Variants in NPAS3 observed in about 807,000 individuals in gnomAD.
NPAS3 encodes the protein neuronal PAS domain-containing protein 3.
A neutral mutation model predicts 73.1 loss-of-function variants in NPAS3; 14 were observed. The ratio of observed to expected loss-of-function variants is 0.19; its 90% confidence interval spans 0.13 to 0.30. The LOEUF (loss-of-function observed/expected upper bound fraction) is 0.30. Ranked by LOEUF, NPAS3 falls within the 10% of genes least tolerant of loss-of-function variation. The pLI is 1.00. For missense variants in NPAS3, 1,096 were observed against 1,250.0 expected, an observed-to-expected ratio of 0.88 and a Z score of 1.86; for synonymous variants, 620 against 541.5, an observed-to-expected ratio of 1.14 and a Z score of -2.01.
intron 1 of NPAS3, among the ~76,000 whole-genome samples, chr14:33,040,767 G>C (rs188600578): frequency 5.7e-4 from 87 of 152,284 alleles, no homozygotes; most frequent in Non-Finnish European, 6.6e-4. Flanking sequence ...TTTCTTACAT[G>C]CAAAATGTGG....
Position 33,001,437 on chromosome 14 carries a change from A to T in NPAS3, c.51-54468A>T, listed in dbSNP as rs948429187. On this transcript the variant is annotated intron_variant, in intron 1 of 11. Transcript: ENST00000356141. ...GCCTTCACTTTTTTGCTAGTATCTT[A>T]TGAATCTAGAGCACGTCCTTCTTTT... 2.0e-5 allele frequency among the ~76,000 whole-genome samples: 3 copies of T among 152,268 alleles called. No homozygotes were observed. The East Asian group carries it at 5.8e-4, about 29-fold the overall frequency.
exon 9 of NPAS3, chr14:33,778,529 C>T (rs759238078): frequency 3.7e-6 from 6 of 1,613,986 alleles, no homozygotes; most frequent in South Asian, 3.3e-5. Flanking sequence ...ACCACTTCAT[C>T]CATGCTGAAG....
At chr14:33,287,541 T>A (rs1468215080) in intron 3 of NPAS3, among the ~76,000 whole-genome samples, 1 of 152,178 alleles carries the variant, frequency 6.6e-6, no homozygotes, top group African/African-American at 2.4e-5. Flanking sequence ...CCTTGTTTAC[T>A]TACCTCATTT....
intron 4 of NPAS3, among the ~76,000 whole-genome samples, chr14:33,416,101 G>T (rs1181104506): frequency 6.6e-6 from 1 of 151,970 alleles, no homozygotes. Context: ...ATCAAGCTTT[G>T]TACACATCAA....
chr14:33,475,346 A>G (rs2050973434), intron 4 of NPAS3, among the ~76,000 whole-genome samples: 1 of 152,180 alleles, frequency 6.6e-6, no homozygotes, highest in African/African-American at 2.4e-5. Flanking sequence ...GCAGTTAATA[A>G]TGCACATTAA....
intron 3 of NPAS3, among the ~76,000 whole-genome samples, chr14:33,319,980 G>T (rs1165994398): frequency 6.6e-6 from 1 of 152,142 alleles, no homozygotes; most frequent in East Asian, 1.9e-4. Flanking sequence ...TTCCTTATGG[G>T]AAGTATAACT....
intron 2 of NPAS3, among the ~76,000 whole-genome samples, chr14:33,108,944 A>G (rs1186294815): frequency 6.6e-6 from 1 of 152,202 alleles, no homozygotes; most frequent in African/African-American, 2.4e-5. Flanking sequence ...GCATCTAACA[A>G]AGATCAAGTT....
At chr14:33,768,768 G>A (rs772735845) in intron 7 of NPAS3, among the ~76,000 whole-genome samples, 1 of 152,122 alleles carries the variant, frequency 6.6e-6, no homozygotes, top group Non-Finnish European at 1.5e-5. Flanking sequence ...CCAATACAAT[G>A]TTATTTTTAC....
chr14:33,786,776 C>T (rs2063186881), intron 9 of NPAS3, among the ~76,000 whole-genome samples: 1 of 152,182 alleles, frequency 6.6e-6, no homozygotes, highest in African/African-American at 2.4e-5. Context: ...GAGACTTCCA[C>T]TTGAGTTTCA....
chr14:33,663,905 T>C (rs143939657), intron 5 of NPAS3, among the ~76,000 whole-genome samples: 3,051 of 152,206 alleles, frequency 0.02, 98 homozygotes, highest in African/African-American at 0.07. Context: ...CCATTTTTTA[T>C]TGTGTCTATT....
chr14:33,554,373 G>A (rs2055258993), intron 4 of NPAS3, among the ~76,000 whole-genome samples: 2 of 152,184 alleles, frequency 1.3e-5, no homozygotes, highest in Non-Finnish European at 2.9e-5. Flanking sequence ...TCACGTATGG[G>A]CATTTTCTCT....
At chr14:33,481,259 CTT>C (rs10540449) in intron 4 of NPAS3, among the ~76,000 whole-genome samples, 3,907 of 152,280 alleles carry the variant, frequency 0.026, 79 homozygotes, top group Middle Eastern at 0.068. Context: ...TTCTTAGTAA[CTT>C]GTCTCTGTTC....
At chr14:33,563,176 T>C (rs2055737371) in intron 5 of NPAS3, among the ~76,000 whole-genome samples, 1 of 152,144 alleles carries the variant, frequency 6.6e-6, no homozygotes, top group Non-Finnish European at 1.5e-5. Flanking sequence ...TCTCAAGATA[T>C]CCCTTCCTCA....
intron 5 of NPAS3, among the ~76,000 whole-genome samples, chr14:33,570,920 A>C (rs1221260485): frequency 6.6e-6 from 1 of 152,152 alleles, no homozygotes; most frequent in Non-Finnish European, 1.5e-5. Context: ...ACTAATTTTG[A>C]GCTGTTTGGG....
At chr14:33,005,951 C>A (rs1376659303) in intron 1 of NPAS3, among the ~76,000 whole-genome samples, 1 of 152,186 alleles carries the variant, frequency 6.6e-6, no homozygotes, top group Non-Finnish European at 1.5e-5. Flanking sequence ...TAACCCTCAA[C>A]AGCCAAACTT....
At chr14:33,680,578 G>T in intron 6 of NPAS3, 1 of 702,328 alleles carries the variant, frequency 1.4e-6, no homozygotes, top group East Asian at 2.7e-5. Context: ...GTTTCTCTAA[G>T]ATAAAATTCC....
At chr14:33,153,690 T>G (rs1285473057) in intron 2 of NPAS3, among the ~76,000 whole-genome samples, 1 of 152,104 alleles carries the variant, frequency 6.6e-6, no homozygotes, top group Non-Finnish European at 1.5e-5. Context: ...TCAAAGAGCT[T>G]TCATACAATC....
chr14:33,435,263 A>G (rs1030871504), intron 4 of NPAS3, among the ~76,000 whole-genome samples: 1 of 152,172 alleles, frequency 6.6e-6, no homozygotes, highest in Non-Finnish European at 1.5e-5. Flanking sequence ...GTCAAATAAG[A>G]TTGGCTAAAA....
At position 33,157,672 on chromosome 14, in the gene NPAS3, T is replaced by C. The variant is rs2044697192; in HGVS notation, c.141-57510T>C. Among the ~76,000 whole-genome samples, 4 of 152,230 alleles carry C rather than the reference T, an allele frequency of 2.6e-5. No individual in the cohort carries two copies. In the South Asian group the frequency reaches 8.3e-4, roughly 32 times the overall value. ...ATTCAGGAAATAAGACTATATTTTA[T>C]ATTAACTTTCCAGAATCTCTGTTCA... On this transcript the variant is annotated intron_variant, in intron 2 of 11. Transcript: ENST00000356141.
Sources: gnomAD v4.1 joint callset for allele counts (sites outside exome capture counted in the v4.1 genomes callset) on GRCh38, gnomAD v4.1.1 for gene constraint, MANE v1.5 for transcripts, NCBI Gene and HGNC (gene_info 2026-07-23, HGNC 2026-07-21) for gene names.